The following AFF2 variants were observed in gnomAD, a reference collection of about 807,000 sequenced individuals.
AFF2 encodes the protein ALF transcription elongation factor 2.
A neutral mutation model predicts 76.9 loss-of-function variants in AFF2; 14 were observed. The observed-to-expected ratio is 0.18, with a 90% CI of 0.12 to 0.28. The LOEUF (loss-of-function observed/expected upper bound fraction) is 0.28. Ranked by LOEUF, AFF2 falls within the 10% of genes least tolerant of loss-of-function variation. The pLI, the probability that AFF2 is intolerant of heterozygous loss-of-function variation, is 1.00. For missense variants in AFF2, 868 were observed against 1,001.1 expected (o/e 0.87, Z 1.79); for synonymous variants, 398 against 366.7 (o/e 1.09, Z -0.98).
At chrX:148,632,950 C>A (rs941480826) in intron 1 of AFF2, among the ~76,000 whole-genome samples, 3 of 111,696 alleles carry the variant, frequency 2.7e-5, no homozygotes, top group African/African-American at 9.8e-5. Flanking sequence ...AATAGAAACT[C>A]ACATGTGGTT....
intron 1 of AFF2, 102 bp from the exon 2 acceptor site, chrX:148,651,897 T>A: frequency 2.6e-6 from 2 of 778,411 alleles, no homozygotes; most frequent in Non-Finnish European, 3.7e-6. Flanking sequence ...GGGCAGCAAG[T>A]TGACTTGAAT....
intron 3 of AFF2, among the ~76,000 whole-genome samples, chrX:148,679,803 C>A (rs2054528111): frequency 9.0e-6 from 1 of 111,654 alleles, no homozygotes; most frequent in African/African-American, 3.3e-5. Flanking sequence ...CTTAGAACAG[C>A]ACAGGCCACT....
chrX:148,818,519 C>T (rs181166707), intron 4 of AFF2, among the ~76,000 whole-genome samples: 4 of 111,808 alleles, frequency 3.6e-5, no homozygotes, highest in East Asian at 2.8e-4. Context: ...CCTTACCTCA[C>T]GCCATACAAA....
chrX:148,898,540 G>T (rs781836605), intron 8 of AFF2, among the ~76,000 whole-genome samples: 6 of 112,147 alleles, frequency 5.4e-5, no homozygotes, highest in Non-Finnish European at 1.1e-4. Flanking sequence ...CCTTCTTCCA[G>T]AAAGTGGGAT....
rs189712340 is a variant in AFF2 at position 148,697,653 on chromosome X, C to A, written c.1041+34885C>A. 3.6e-3 allele frequency among the ~76,000 whole-genome samples: 363 copies of A among 102,152 alleles called. 1 individual carries two copies. Among genetic ancestry groups the A allele is most frequent in the African/African-American group, 0.013 (351 of 28,057 alleles). The allele number at this position is 102,152 out of a possible 115,157, so 88.7% of individuals were successfully genotyped here. A position where few individuals can be genotyped will look rare whatever the true frequency, so the allele number is the denominator to read the frequency against. ...GAGACATTTATCTAATTCCTAGTTCCCATTAGAAAAAAAAAAAGAACCAAT... is the reference window on the plus strand; with the variant it reads ...GAGACATTTATCTAATTCCTAGTTCACATTAGAAAAAAAAAAAGAACCAAT... On this transcript the variant is annotated intron_variant, in intron 3 of 20. Coordinates refer to ENST00000370460, the MANE Select transcript of AFF2 (RefSeq NM_002025.4).
At chrX:148,800,773 C>T (rs1340226624) in intron 3 of AFF2, among the ~76,000 whole-genome samples, 4 of 111,668 alleles carry the variant, frequency 3.6e-5, no homozygotes, top group African/African-American at 1.3e-4. Flanking sequence ...AAGAACTTGT[C>T]AGTCCAAGAC....
At chrX:148,614,360 A>G (rs782130598) in intron 1 of AFF2, among the ~76,000 whole-genome samples, 2 of 112,055 alleles carry the variant, frequency 1.8e-5, no homozygotes, top group Non-Finnish European at 3.8e-5. Flanking sequence ...AATGCCATTT[A>G]TGAATCTAAT....
chrX:148,906,923 G>A (rs139859680), intron 9 of AFF2, among the ~76,000 whole-genome samples: 2,705 of 111,794 alleles, frequency 0.024, 42 homozygotes, highest in Non-Finnish European at 0.04. Flanking sequence ...GCACAGCTAA[G>A]TGCCTGGGTT....
chrX:148,962,179 T>C (rs2072117079), intron 12 of AFF2, among the ~76,000 whole-genome samples: 1 of 112,877 alleles, frequency 8.9e-6, no homozygotes, highest in African/African-American at 3.2e-5. Context: ...TATATACAAT[T>C]TGCAATGTAT....
At chrX:148,890,261 G>A (rs2071207155) in intron 8 of AFF2, among the ~76,000 whole-genome samples, 1 of 111,999 alleles carries the variant, frequency 8.9e-6, no homozygotes. Context: ...GTATGGCATT[G>A]GGAAAGTTGT....
At chrX:148,977,498 T>C (rs1317541026) in intron 16 of AFF2, among the ~76,000 whole-genome samples, 2 of 110,839 alleles carry the variant, frequency 1.8e-5, no homozygotes, top group Non-Finnish European at 3.8e-5. Context: ...TTATATATTA[T>C]TTACCTAATC....
At chrX:148,857,357 T>A (rs1224140464) in intron 7 of AFF2, among the ~76,000 whole-genome samples, 22 of 111,860 alleles carry the variant, frequency 2.0e-4, no homozygotes, top group African/African-American at 6.8e-4. Flanking sequence ...CATTTTTTCT[T>A]CCCTTGCTAA....
rs964146767 is a variant in AFF2, at chrX:149,000,089, G to A, written c.*8757G>A. The A allele has an allele frequency of 6.3e-5, 7 of 111,917 alleles. No homozygotes were observed. The highest frequency in any genetic ancestry group is 9.4e-5 in the Admixed American group (1 of 10,589). 9.2% of individuals were successfully genotyped at this position (111,917 alleles called of 1,213,427 possible). ...GCTCCTATGAAGAAAACTTCCTGAC[G>A]TCCTGTCCCCAAAGGAAGACCCTTT... On this transcript the variant is annotated 3_prime_UTR_variant, in exon 21 of 21. Coordinates refer to ENST00000370460, the MANE Select transcript of AFF2 (RefSeq NM_002025.4).
chrX:148,513,307 G>A (rs1229314374), intron 1 of AFF2, among the ~76,000 whole-genome samples: 1 of 111,812 alleles, frequency 8.9e-6, no homozygotes, highest in Non-Finnish European at 1.9e-5. Flanking sequence ...TCTTTGTGCT[G>A]TGAATGCTGC....
At chrX:148,692,026 C>G (rs1188671320) in intron 3 of AFF2, among the ~76,000 whole-genome samples, 1 of 85,181 alleles carries the variant, frequency 1.2e-5, no homozygotes, top group African/African-American at 4.5e-5. Flanking sequence ...CTGCATAGTT[C>G]CTTAGGTTGC....
intron 19 of AFF2, among the ~76,000 whole-genome samples, chrX:148,983,953 C>CAGAAAAAAAAAAAAAAAAAAA (rs2072427538): frequency 3.4e-5 from 1 of 29,124 alleles, no homozygotes; most frequent in Non-Finnish European, 5.9e-5. Context: ...GTGAAATAGA[C>CAGAAAAAAAAAAAAAAAAAAA]AAAAAAAAAA....
At chrX:148,547,739 C>A (rs923889888) in intron 1 of AFF2, among the ~76,000 whole-genome samples, 1 of 111,791 alleles carries the variant, frequency 8.9e-6, no homozygotes, top group Admixed American at 9.5e-5. Flanking sequence ...TTGCCGTGAC[C>A]TAGGTCTGTC....
At chrX:148,609,053 T>C (rs2053701844) in intron 1 of AFF2, among the ~76,000 whole-genome samples, 1 of 111,619 alleles carries the variant, frequency 9.0e-6, no homozygotes, top group Non-Finnish European at 1.9e-5. Context: ...CTCTGGAGCA[T>C]CACCAACTAG....
chrX:148,769,004 T>C (rs2124596882), intron 3 of AFF2, among the ~76,000 whole-genome samples: 1 of 111,845 alleles, frequency 8.9e-6, no homozygotes, highest in African/African-American at 3.2e-5. Context: ...TTCTTTCTCA[T>C]TTAAAGGTGA....
Sources: allele counts gnomAD v4.1 joint callset (sites outside exome capture counted in the v4.1 genomes callset), GRCh38; gene constraint gnomAD v4.1.1; transcripts MANE v1.5; gene names NCBI Gene and HGNC (gene_info 2026-07-23, HGNC 2026-07-21).